Variants in STK32B observed in about 807,000 individuals in gnomAD.
STK32B encodes serine/threonine-protein kinase 32B.
In STK32B, 43 loss-of-function variants were observed where a neutral mutation model predicts 52.6. The observed-to-expected ratio is 0.82, with a 90% CI of 0.64 to 1.05. STK32B has a LOEUF of 1.05. Among genes scored for constraint, STK32B ranks in the 50% least tolerant of loss-of-function variants. The pLI is 0.00. For synonymous variants in STK32B, 238 were observed against 204.3 expected (o/e 1.17, Z -1.41); for missense variants, 621 against 534.6 (o/e 1.16, Z -1.59).
At chr4:5,178,766 A>G (rs2108750469) in intron 3 of STK32B, among the ~76,000 whole-genome samples, 1 of 152,268 alleles carries the variant, frequency 6.6e-6, no homozygotes, top group East Asian at 1.9e-4. Flanking sequence ...CCAGTTCCCA[A>G]CAGGCCTCTC....
intron 6 of STK32B, among the ~76,000 whole-genome samples, chr4:5,442,751 C>T (rs1357244968): frequency 6.6e-6 from 1 of 152,070 alleles, no homozygotes; most frequent in Non-Finnish European, 1.5e-5. Context: ...ACCGGTTGTT[C>T]CTTTCCATGT....
At chr4:5,402,284 A>G (rs1231927247) in intron 5 of STK32B, among the ~76,000 whole-genome samples, 1 of 152,208 alleles carries the variant, frequency 6.6e-6, no homozygotes, top group Non-Finnish European at 1.5e-5. Context: ...GGGTGATGGA[A>G]GAGGCCAGTG....
At chr4:5,166,966 C>G (rs1342094376) in intron 2 of STK32B, among the ~76,000 whole-genome samples, 1 of 152,124 alleles carries the variant, frequency 6.6e-6, no homozygotes, top group South Asian at 2.1e-4. Context: ...GTTGGGAAGA[C>G]TAGCTCATAC....
At chr4:5,228,902 G>C (rs1724054022) in intron 3 of STK32B, among the ~76,000 whole-genome samples, 1 of 152,162 alleles carries the variant, frequency 6.6e-6, no homozygotes, top group South Asian at 2.1e-4. Context: ...AGGAGTCGGA[G>C]GGTGCAGTGA....
At chr4:5,360,303 G>A (rs902137132) in intron 4 of STK32B, among the ~76,000 whole-genome samples, 3 of 152,050 alleles carry the variant, frequency 2.0e-5, no homozygotes, top group African/African-American at 7.2e-5. Flanking sequence ...ACTCCATGGG[G>A]GCAGAACCAT....
intron 1 of STK32B, among the ~76,000 whole-genome samples, chr4:5,135,242 C>A (rs1716005040): frequency 6.6e-6 from 1 of 152,206 alleles, no homozygotes; most frequent in Non-Finnish European, 1.5e-5. Flanking sequence ...ATGTACAACA[C>A]TATGAGGTAG....
At chr4:5,080,253 T>C (rs1328688154) in intron 1 of STK32B, among the ~76,000 whole-genome samples, 1 of 152,150 alleles carries the variant, frequency 6.6e-6, no homozygotes, top group East Asian at 1.9e-4. Context: ...GACACCATCG[T>C]CTTCTGCTTT....
At chr4:5,461,609 T>C (rs1717029950) in intron 9 of STK32B, among the ~76,000 whole-genome samples, 2 of 152,210 alleles carry the variant, frequency 1.3e-5, no homozygotes, top group African/African-American at 4.8e-5. Flanking sequence ...GTCCTCTCCC[T>C]GTGAGCAGCG....
chr4:5,214,370 T>A (rs1230981625), intron 3 of STK32B: 3 of 152,282 alleles, frequency 2.0e-5, no homozygotes, highest in Non-Finnish European at 1.5e-5. Flanking sequence ...TTAAACCTCT[T>A]TTCTTTATAA....
rs150370424 is a variant in STK32B at position 5,282,044 on chromosome 4, A to G, written c.261-49176A>G. On this transcript the variant is annotated intron_variant, in intron 3 of 11. Coordinates refer to ENST00000282908, the MANE Select transcript of STK32B (RefSeq NM_018401.3). ...TGAGGTTTTGATATATGTATACAAT[A>G]TGGAATAACTAAGTTAAGCTAACTA... is the stretch of plus-strand genomic sequence containing the variant. Among the ~76,000 whole-genome samples, 1,280 of 152,166 alleles carry G rather than the reference A, an allele frequency of 8.4e-3. 11 individuals carry two copies. The highest frequency in any genetic ancestry group is 0.013 in the South Asian group (62 of 4,822).
At chr4:5,258,864 A>G (rs1475935940) in intron 3 of STK32B, among the ~76,000 whole-genome samples, 2 of 152,126 alleles carry the variant, frequency 1.3e-5, no homozygotes, top group Admixed American at 6.6e-5. Context: ...CAGGTTCTCC[A>G]TCTCACTCGG....
intron 3 of STK32B, among the ~76,000 whole-genome samples, chr4:5,217,945 A>C (rs972579703): frequency 1.3e-5 from 2 of 152,214 alleles, no homozygotes; most frequent in Admixed American, 6.5e-5. Context: ...CACATAATGA[A>C]AATTATACAT....
At chr4:5,250,353 C>T (rs1423206468) in intron 3 of STK32B, among the ~76,000 whole-genome samples, 2 of 146,058 alleles carry the variant, frequency 1.4e-5, no homozygotes, top group African/African-American at 5.2e-5. Flanking sequence ...CGCTCTGTCA[C>T]CCAGGCTGGA....
At chr4:5,103,615 G>C (rs1281867930) in intron 1 of STK32B, among the ~76,000 whole-genome samples, 1 of 152,128 alleles carries the variant, frequency 6.6e-6, no homozygotes. Context: ...CTGTAGGGTA[G>C]GTACTCTAAA....
At chr4:5,452,329 A>G (rs1480784544) in intron 7 of STK32B, among the ~76,000 whole-genome samples, 1 of 151,980 alleles carries the variant, frequency 6.6e-6, no homozygotes. Context: ...AGCGGCACTG[A>G]GTACCGCTGG....
intron 3 of STK32B, among the ~76,000 whole-genome samples, chr4:5,236,326 G>A (rs11943661): frequency 0.046 from 6,930 of 151,852 alleles, 516 homozygotes; most frequent in African/African-American, 0.16. Flanking sequence ...CTAGTGAATA[G>A]CCTTTGTTCT....
At chr4:5,070,573 A>T (rs988187587) in intron 1 of STK32B, among the ~76,000 whole-genome samples, 4 of 152,160 alleles carry the variant, frequency 2.6e-5, no homozygotes, top group Admixed American at 2.0e-4. Context: ...AAATGATCTT[A>T]CTTGGAGATA....
chr4:5,455,308 T>C (rs558426307), intron 7 of STK32B, among the ~76,000 whole-genome samples: 2 of 152,328 alleles, frequency 1.3e-5, no homozygotes, highest in South Asian at 4.1e-4. Flanking sequence ...AGTGCCGCAG[T>C]GTTACCCACA....
chr4:5,026,449 G>A, the STK32B span, among the ~76,000 whole-genome samples: 1 of 152,214 alleles, frequency 6.6e-6, no homozygotes, highest in Non-Finnish European at 1.5e-5. Context: ...TCTTAGCAAG[G>A]TGGCAGGAGA....
Sources: gnomAD v4.1 joint callset for allele counts (sites outside exome capture counted in the v4.1 genomes callset) on GRCh38, gnomAD v4.1.1 for gene constraint, MANE v1.5 for transcripts, NCBI Gene and HGNC (gene_info 2026-07-23, HGNC 2026-07-21) for gene names.